The following CCDC171 variants were observed in gnomAD, a reference collection of about 807,000 sequenced individuals.
CCDC171 encodes coiled-coil domain containing 171.
In CCDC171, 177 loss-of-function variants were observed where a neutral mutation model predicts 168.2. That is an observed-to-expected ratio of 1.05 (90% confidence interval 0.93 to 1.19). The LOEUF (loss-of-function observed/expected upper bound fraction) is 1.19, where lower values mean the gene tolerates loss of function less well. CCDC171 is among the 50% of genes most tolerant of loss of function. The pLI, the probability that CCDC171 is intolerant of heterozygous loss-of-function variation, is 0.00. For missense variants in CCDC171, 1,991 were observed against 1,539.0 expected (o/e 1.29, Z -4.91); for synonymous variants, 687 against 540.8 (o/e 1.27, Z -3.75).
chr9:15,828,674 G>A (rs536363000), intron 21 of CCDC171, among the ~76,000 whole-genome samples: 1 of 152,258 alleles, frequency 6.6e-6, no homozygotes, highest in Admixed American at 6.5e-5. Flanking sequence ...TGCATATTAT[G>A]TGTAAAAGCC....
chr9:15,717,830 C>G (rs930038493), intron 11 of CCDC171, among the ~76,000 whole-genome samples: 1 of 152,186 alleles, frequency 6.6e-6, no homozygotes, highest in Non-Finnish European at 1.5e-5. Flanking sequence ...TAATCAGCAG[C>G]AATACCCGTG....
the CCDC171 span, among the ~76,000 whole-genome samples, chr9:16,100,238 C>T: frequency 6.6e-6 from 1 of 152,124 alleles, no homozygotes; most frequent in African/African-American, 2.4e-5. Context: ...AAAAGGGAAG[C>T]AGCAAAATGA....
intron 16 of CCDC171, among the ~76,000 whole-genome samples, chr9:15,742,610 C>T (rs913306839): frequency 6.6e-6 from 1 of 152,150 alleles, no homozygotes; most frequent in Admixed American, 6.5e-5. Flanking sequence ...TGTGGGCCAC[C>T]ACTTGCTTTA....
chr9:15,929,182 C>CA (rs1428311995), intron 25 of CCDC171, among the ~76,000 whole-genome samples: 2 of 151,564 alleles, frequency 1.3e-5, no homozygotes, highest in East Asian at 3.9e-4. Context: ...ATTAAAATTT[C>CA]AAAGTGATCA....
chr9:15,709,476 G>A (rs1201083086), intron 11 of CCDC171, among the ~76,000 whole-genome samples: 2 of 152,014 alleles, frequency 1.3e-5, no homozygotes, highest in Non-Finnish European at 2.9e-5. Context: ...ATGATAATAT[G>A]GAGTACCAAT....
chr9:15,767,997 T>A (rs76599830), intron 18 of CCDC171, among the ~76,000 whole-genome samples: 4,118 of 149,894 alleles, frequency 0.027, 215 homozygotes, highest in African/African-American at 0.096. Flanking sequence ...GGTCTCCCAA[T>A]GTGCTAGCAT....
chr9:16,023,269 T>G (rs1263065917), intron 6 of CCDC171, among the ~76,000 whole-genome samples: 1 of 152,182 alleles, frequency 6.6e-6, no homozygotes, highest in African/African-American at 2.4e-5. Flanking sequence ...CTCAAATAGA[T>G]TGATTTATTT....
rs2053320089 is a variant in CCDC171, at chr9:15,719,438, GA to G, written c.1319-2330del. 2.4e-3 allele frequency among the ~76,000 whole-genome samples: 339 copies of G among 142,306 alleles called. 7 individuals carry two copies. The highest frequency in any genetic ancestry group is 2.1e-3 in the African/African-American group (79 of 38,148). 93.4% of individuals were successfully genotyped at this position (142,306 alleles called of 152,430 possible). A position where few individuals can be genotyped will look rare whatever the true frequency, so the allele number is the denominator to read the frequency against. ...GGAAAGAGAGAGAGAGAGAGAGAGA[GA>G]GAGAGAGAAAGTTTATTCAAATGGA... On this transcript the variant is annotated intron_variant, in intron 11 of 25. Coordinates refer to ENST00000380701, the MANE Select transcript of CCDC171 (RefSeq NM_173550.4).
chr9:15,642,328 T>C (rs1288598904), intron 7 of CCDC171, among the ~76,000 whole-genome samples: 26 of 135,816 alleles, frequency 1.9e-4, no homozygotes, highest in Non-Finnish European at 3.6e-4. Context: ...TATATATATA[T>C]ACACGTGTGT....
intron 25 of CCDC171, among the ~76,000 whole-genome samples, chr9:15,922,595 G>A (rs1159971991): frequency 1.3e-5 from 2 of 151,530 alleles, no homozygotes; most frequent in Non-Finnish European, 3.0e-5. Context: ...CCCAGTTGTG[G>A]GATTGCTGGA....
intron 6 of CCDC171, among the ~76,000 whole-genome samples, chr9:15,602,370 G>GT (rs1225591637): frequency 1.4e-5 from 2 of 145,918 alleles, no homozygotes; most frequent in Non-Finnish European, 3.1e-5. Flanking sequence ...AGAGAATTCA[G>GT]TTTTTTAAAT....
intron 25 of CCDC171, among the ~76,000 whole-genome samples, chr9:15,958,389 A>G (rs1830014185): frequency 6.6e-6 from 1 of 152,000 alleles, no homozygotes; most frequent in Non-Finnish European, 1.5e-5. Context: ...TTAAATTTTA[A>G]CTAATGTAAA....
chr9:15,711,501 CT>C (rs1001873354), intron 11 of CCDC171, among the ~76,000 whole-genome samples: 18 of 152,020 alleles, frequency 1.2e-4, no homozygotes, highest in Non-Finnish European at 2.1e-4. Context: ...AAATTGTAGA[CT>C]TTTTTTCCAT....
At chr9:15,616,800 AT>A (rs774345561) in intron 6 of CCDC171, among the ~76,000 whole-genome samples, 79 of 152,232 alleles carry the variant, frequency 5.2e-4, no homozygotes, top group Non-Finnish European at 8.8e-4. Context: ...AAGTACTCTT[AT>A]GAAAAAATGA....
At chr9:15,573,242 AT>A (rs890706869) in intron 3 of CCDC171, among the ~76,000 whole-genome samples, 2 of 152,106 alleles carry the variant, frequency 1.3e-5, no homozygotes, top group East Asian at 1.9e-4. Context: ...TTCTCTTTGT[AT>A]TTTTTTAGTA....
At chr9:15,993,295 T>C (rs1345726261) in intron 3 of CCDC171, among the ~76,000 whole-genome samples, 1 of 151,906 alleles carries the variant, frequency 6.6e-6, no homozygotes, top group Non-Finnish European at 1.5e-5. Flanking sequence ...ATACCACACA[T>C]CTACAACCAG....
intron 21 of CCDC171, among the ~76,000 whole-genome samples, chr9:15,793,099 C>A (rs568390597): frequency 1.3e-5 from 2 of 152,134 alleles, no homozygotes; most frequent in East Asian, 3.9e-4. Context: ...CAGAGACACA[C>A]ATAGGCTCAA....
intron 21 of CCDC171, among the ~76,000 whole-genome samples, chr9:15,826,191 G>A (rs1170883334): frequency 6.6e-6 from 1 of 151,826 alleles, no homozygotes; most frequent in East Asian, 1.9e-4. Context: ...CCTTTTTAAA[G>A]TTTCTGTGTT....
In CCDC171 at chr9:15,571,714, G is replaced by A; in HGVS notation, c.132G>A (p.Trp44Ter). 6.3e-7 allele frequency: 1 copy of A among 1,588,150 alleles called. No homozygotes were observed. Among genetic ancestry groups the A allele is most frequent in the Non-Finnish European group, 8.5e-7 (1 of 1,173,024 alleles). Residue 44 changes from tryptophan (W) to a stop codon, truncating the protein, a stop_gained, in exon 3 of 26, where the codon TGG becomes TGA. Transcript: ENST00000380701. LOFTEE classifies it high-confidence loss of function. ...ITDNLRKKLH[W>*]AKKEKLEITT... ...ATAATCTCAGGAAGAAACTCCATTG[G>A]GCTAAAAAAGAAAAGTTAGAAATAA...
Sources: allele counts gnomAD v4.1 joint callset (sites outside exome capture counted in the v4.1 genomes callset), GRCh38; gene constraint gnomAD v4.1.1; transcripts MANE v1.5; gene names NCBI Gene and HGNC (gene_info 2026-07-23, HGNC 2026-07-21).